The following LRRC37A2 variants were observed in gnomAD, a reference collection of about 807,000 sequenced individuals.
LRRC37A2 encodes leucine rich repeat containing 37 member A2.
Under a neutral mutation model 68.8 loss-of-function variants are expected in LRRC37A2, and 9 were observed. The ratio of observed to expected loss-of-function variants is 0.13; its 90% CI spans 0.08 to 0.23. The LOEUF (loss-of-function observed/expected upper bound fraction) is 0.23. Ranked by LOEUF, LRRC37A2 falls within the 10% of genes least tolerant of loss-of-function variation. The probability of loss-of-function intolerance (pLI) is 1.00; values close to 1 mark genes in which losing one functional copy is unlikely to be tolerated. For missense variants in LRRC37A2, 168 were observed against 950.4 expected (o/e 0.18, Z 10.82); for synonymous variants, 63 against 367.6 (o/e 0.17, Z 9.48).
chr17:46,781,282 C>T, the LRRC37A2 span, among the ~76,000 whole-genome samples: 3 of 150,120 alleles, frequency 2.0e-5, no homozygotes, highest in African/African-American at 7.3e-5. Flanking sequence ...CAAGCTACAA[C>T]GTAGAGGAAA....
the LRRC37A2 span, chr17:46,722,122 G>A: frequency 7.4e-6 from 12 of 1,611,714 alleles, no homozygotes; most frequent in African/African-American, 1.5e-4. Flanking sequence ...AACTCGTCCG[G>A]CTTCTCGCCA....
At chr17:46,978,911 C>G in the LRRC37A2 span, 2 of 1,474,348 alleles carry the variant, frequency 1.4e-6, no homozygotes, top group Non-Finnish European at 8.9e-7. Flanking sequence ...AGCCACGTGC[C>G]CAGCCCGTGG....
At chr17:46,739,281 G>A in the LRRC37A2 span, among the ~76,000 whole-genome samples, 1 of 142,484 alleles carries the variant, frequency 7.0e-6, no homozygotes, top group Non-Finnish European at 1.5e-5. Context: ...TGAGGCAGGA[G>A]AATCGCTTGA....
the LRRC37A2 span, among the ~76,000 whole-genome samples, chr17:46,505,973 T>C: frequency 9.2e-6 from 1 of 109,268 alleles, no homozygotes; most frequent in African/African-American, 4.4e-5. Context: ...CTGGCTAATC[T>C]TTGTATTTTT....
chr17:46,473,887 C>G, the LRRC37A2 span, among the ~76,000 whole-genome samples: 10 of 103,868 alleles, frequency 9.6e-5, 4 homozygotes, highest in African/African-American at 2.8e-4. Flanking sequence ...CAGAGCAAGA[C>G]TTCATCTCAA....
the LRRC37A2 span, among the ~76,000 whole-genome samples, chr17:46,802,815 C>G: frequency 6.6e-6 from 1 of 152,188 alleles, no homozygotes; most frequent in Non-Finnish European, 1.5e-5. Flanking sequence ...TCCCATACCT[C>G]GCCCTATGCA....
the LRRC37A2 span, among the ~76,000 whole-genome samples, chr17:46,802,683 T>A: frequency 6.6e-6 from 1 of 152,070 alleles, no homozygotes; most frequent in African/African-American, 2.4e-5. Flanking sequence ...ATGATACCTA[T>A]GGAATGAAGC....
the LRRC37A2 span, among the ~76,000 whole-genome samples, chr17:47,043,134 TA>T: frequency 6.6e-6 from 1 of 150,782 alleles, no homozygotes; most frequent in South Asian, 2.1e-4. Flanking sequence ...TGGGTCAACC[TA>T]AAGGCAGATT....
the LRRC37A2 span, chr17:46,940,812 A>C: frequency 6.8e-7 from 1 of 1,473,964 alleles, no homozygotes; most frequent in Admixed American, 2.2e-5. Context: ...GGTCTTTACC[A>C]CCTGCGGCTG....
the LRRC37A2 span, among the ~76,000 whole-genome samples, chr17:46,648,405 A>G: frequency 7.4e-6 from 1 of 134,718 alleles, no homozygotes; most frequent in Non-Finnish European, 1.5e-5. Flanking sequence ...AGTTAAATGT[A>G]TATTTGAACA....
chr17:46,770,409 C>T, the LRRC37A2 span, among the ~76,000 whole-genome samples: 1 of 152,232 alleles, frequency 6.6e-6, no homozygotes, highest in African/African-American at 2.4e-5. Context: ...TGCCCTCCAC[C>T]TTCCCAAAGT....
At chr17:46,875,130 G>C in the LRRC37A2 span, 1 of 1,613,910 alleles carries the variant, frequency 6.2e-7, no homozygotes, top group Non-Finnish European at 8.5e-7. Flanking sequence ...CCTGTACGCG[G>C]TGTCCTCTGC....
the LRRC37A2 span, among the ~76,000 whole-genome samples, chr17:47,023,784 A>G: frequency 0.11 from 17,385 of 151,926 alleles, 1,103 homozygotes; most frequent in South Asian, 0.22. Flanking sequence ...TAGTAGAGAC[A>G]GGGTTTCACC....
chr17:46,758,465 G>C, the LRRC37A2 span, among the ~76,000 whole-genome samples: 3 of 152,240 alleles, frequency 2.0e-5, no homozygotes, highest in Non-Finnish European at 2.9e-5. Context: ...AGAAGCAAAG[G>C]AGGCTCCAGC....
At chr17:47,044,573 C>A in the LRRC37A2 span, among the ~76,000 whole-genome samples, 1 of 150,912 alleles carries the variant, frequency 6.6e-6, no homozygotes. Flanking sequence ...CATACACACA[C>A]GGAAAGCAAA....
the LRRC37A2 span, among the ~76,000 whole-genome samples, chr17:46,894,761 G>C: frequency 6.6e-6 from 1 of 152,116 alleles, no homozygotes; most frequent in Non-Finnish European, 1.5e-5. Context: ...AGCTGCCCTC[G>C]GGCAGGACCC....
chr17:46,610,027 TTCTCTCTCTCTCTC>T, the LRRC37A2 span, among the ~76,000 whole-genome samples: 1 of 109,466 alleles, frequency 9.1e-6, no homozygotes. Context: ...CTTTCTTTCT[TTCTCTCTCTCTCTC>T]TCTTTCTTTC....
At chr17:46,904,459 TGGATGG>T in the LRRC37A2 span, among the ~76,000 whole-genome samples, 5 of 144,572 alleles carry the variant, frequency 3.5e-5, no homozygotes, top group Non-Finnish European at 7.7e-5. Context: ...GATGGATGGA[TGGATGG>T]ATGGATGGAT....
At chr17:46,813,144 A>G in the LRRC37A2 span, among the ~76,000 whole-genome samples, 366 of 152,012 alleles carry the variant, frequency 2.4e-3, no homozygotes, top group Non-Finnish European at 3.7e-3. Context: ...ACAGAAAGAA[A>G]CGGGTGGACT....
Sources: allele counts gnomAD v4.1 joint callset (sites outside exome capture counted in the v4.1 genomes callset), GRCh38; gene constraint gnomAD v4.1.1; transcripts MANE v1.5; gene names NCBI Gene and HGNC (gene_info 2026-07-23, HGNC 2026-07-21).